RPS3: variants seen among roughly 807,000 people sequenced by gnomAD.
RPS3 encodes small ribosomal subunit protein uS3.
RPS3 carries 2 observed loss-of-function variants against 25.8 expected under a neutral mutation model. The observed-to-expected ratio is 0.08, with a 90% CI of 0.03 to 0.24. The LOEUF (loss-of-function observed/expected upper bound fraction) is 0.24, where lower values mean the gene tolerates loss of function less well. Ranked by LOEUF, RPS3 falls within the 10% of genes least tolerant of loss-of-function variation. The pLI, the probability that RPS3 is intolerant of heterozygous loss-of-function variation, is 1.00. For synonymous variants in RPS3, 114 were observed against 114.2 expected (o/e 1.00, Z 0.01); for missense variants, 107 against 307.1 (o/e 0.35, Z 4.87).
chr11:75,408,120 ATAAACT>A (rs536075663), downstream of RPS3, among the ~76,000 whole-genome samples: 458 of 152,370 alleles, frequency 3.0e-3, 1 homozygote, highest in Non-Finnish European at 5.2e-3. Flanking sequence ...GGAGGAAGAA[ATAAACT>A]TAATTGTGAC....
At chr11:75,408,992 CTT>C (rs1223016206), downstream of RPS3, among the ~76,000 whole-genome samples, 2 of 151,538 alleles carry the variant, frequency 1.3e-5, no homozygotes, top group African/African-American at 2.4e-5. Flanking sequence ...CCTTGATTTT[CTT>C]TTTTGAGACA....
chr11:75,400,629 C>T, intron 1 of RPS3, 65 bp from the exon 2 acceptor site: 2 of 1,592,664 alleles, frequency 1.3e-6, no homozygotes, highest in South Asian at 2.2e-5. Context: ...TAAGACTAGA[C>T]TGGCTCAGGC....
intron 6 of RPS3, among the ~76,000 whole-genome samples, chr11:75,413,223 A>ATG (rs1383558542): frequency 1.2e-4 from 17 of 147,682 alleles, no homozygotes; most frequent in Middle Eastern, 3.4e-3. Flanking sequence ...TCTTGTATAT[A>ATG]TGTGTGTGTG....
At chr11:75,418,050 G>A (rs1400516209) in intron 6 of RPS3, among the ~76,000 whole-genome samples, 2 of 152,236 alleles carry the variant, frequency 1.3e-5, no homozygotes, top group Non-Finnish European at 2.9e-5. Flanking sequence ...CACCCCTCCA[G>A]GACCACCAGC....
In RPS3 at chr11:75,406,608, C is replaced by T. The variant is rs1018176555; in HGVS notation, c.*998C>T. 4.6e-5 allele frequency: 7 copies of T among 152,164 alleles called. No homozygotes were observed. The highest frequency in any genetic ancestry group is 1.4e-4 in the African/African-American group (6 of 41,414). 9.4% of individuals were successfully genotyped at this position (152,164 alleles called of 1,614,324 possible). A position where few individuals can be genotyped will look rare whatever the true frequency, so the allele number is the denominator to read the frequency against. ...GGTAATTATGTAGGGCGTACACTGA[C>T]AAGTATCTGACCCCCCCTTCCTTTT... On this transcript the variant is annotated 3_prime_UTR_variant, in exon 7 of 7. Transcript: ENST00000531188.
At position 75,402,453 on chromosome 11, in the gene RPS3, G is replaced by A; in HGVS notation, c.350+7G>A. The A allele has an allele frequency of 6.2e-7, 1 of 1,602,068 alleles. No individual in the cohort carries two copies. Among genetic ancestry groups the A allele is most frequent in the South Asian group, 1.1e-5 (1 of 90,730 alleles). ...GAGGGCTTGCTGTGCGGAGGTAAGTGTCCTGAGACCTAATGGTCATGACCT... is the reference window on the plus strand; with the variant it reads ...GAGGGCTTGCTGTGCGGAGGTAAGTATCCTGAGACCTAATGGTCATGACCT... On this transcript the variant is annotated splice_region_variant and intron_variant, in intron 4 of 6. Transcript: ENST00000531188.
chr11:75,408,824 C>T (rs1448160107), downstream of RPS3, among the ~76,000 whole-genome samples: 1 of 152,236 alleles, frequency 6.6e-6, no homozygotes, highest in Non-Finnish European at 1.5e-5. Context: ...GCGTGAGCCA[C>T]TGTACCCAGC....
chr11:75,401,812 A>G (rs769191676), intron 3 of RPS3, 79 bp downstream of exon 3: 5 of 837,388 alleles, frequency 6.0e-6, no homozygotes, highest in Non-Finnish European at 1.0e-5. Context: ...GGAGACTTTA[A>G]TTGTTTGTTC....
chr11:75,404,676 G>T lies in RPS3; in HGVS notation c.543G>T (p.Val181=), dbSNP rs368681048. The change falls in exon 6 of 7, where the codon GTG becomes GTT. Residue 181 remains valine (V), a synonymous_variant. Coordinates refer to ENST00000531188, the MANE Select transcript of RPS3 (RefSeq NM_001005.5). The surrounding 1 kb of genome is among the most constrained non-coding windows in gnomAD (Gnocchi z 4.6). ...AACAACTGTGGTGTCCTCTAGGTGTGCTGGGCATCAAGGTGAAGATCATGC... is the reference window on the plus strand; with the variant it reads ...AACAACTGTGGTGTCCTCTAGGTGTTCTGGGCATCAAGGTGAAGATCATGC... ...AVRHVLLRQG[V]LGIKVKIMLP... The T allele has an allele frequency of 1.9e-4, 302 of 1,610,530 alleles. 1 individual carries two copies. Among genetic ancestry groups the T allele is most frequent in the Middle Eastern group, 6.7e-4 (4 of 5,940 alleles).
At chr11:75,409,263 G>T (rs1265519123), downstream of RPS3, among the ~76,000 whole-genome samples, 1 of 144,846 alleles carries the variant, frequency 6.9e-6, no homozygotes, top group Non-Finnish European at 1.5e-5. Context: ...TAGGACAATA[G>T]TGGAGGGAAG....
At chr11:75,399,757 C>T (rs1306383000) in intron 1 of RPS3, 180 bp downstream of exon 1, 1 of 598,762 alleles carries the variant, frequency 1.7e-6, no homozygotes, top group Middle Eastern at 4.5e-4. Context: ...CAGGAGGGCG[C>T]TGTGTGGCCG....
intron 2 of RPS3, among the ~76,000 whole-genome samples, chr11:75,401,183 G>A (rs1365331967): frequency 6.6e-6 from 1 of 152,272 alleles, no homozygotes; most frequent in South Asian, 2.1e-4. Context: ...CGCCCGGCAG[G>A]TTTATCCTTT....
At chr11:75,401,081 A>G (rs999521852) in intron 2 of RPS3, among the ~76,000 whole-genome samples, 4 of 151,970 alleles carry the variant, frequency 2.6e-5, no homozygotes, top group East Asian at 1.9e-4. Flanking sequence ...TTGGGGTTTC[A>G]CCGTGTTAGC....
At position 75,406,787 on chromosome 11, in the gene RPS3, C is replaced by G. The variant is rs1948293793; in HGVS notation, c.*1177C>G. 1 of 152,138 alleles carries G rather than the reference C, an allele frequency of 6.6e-6. No individual in the cohort carries two copies. The highest frequency in any genetic ancestry group is 2.4e-5 in the African/African-American group (1 of 41,432). The allele number at this position is 152,138 out of a possible 1,614,324, so 9.4% of individuals were successfully genotyped here. A position where few individuals can be genotyped will look rare whatever the true frequency, so the allele number is the denominator to read the frequency against. On this transcript the variant is annotated 3_prime_UTR_variant, in exon 7 of 7. Transcript: ENST00000531188. ...GTTGTGTGTGTATTGAACATGTAGA[C>G]TTATTTTTCTTATTTTCAAAATACT...
chr11:75,420,029 G>C (rs1301340997), intron 6 of RPS3, among the ~76,000 whole-genome samples: 1 of 152,158 alleles, frequency 6.6e-6, no homozygotes, highest in African/African-American at 2.4e-5. Flanking sequence ...GAGTTCAGTG[G>C]CTTCTGAGGG....
intron 1 of RPS3, chr11:75,400,016 TGCTC>T: frequency 3.6e-6 from 1 of 277,320 alleles, no homozygotes; most frequent in South Asian, 4.3e-5. Context: ...GACGGTTGCT[TGCTC>T]CGTCTGGGGA....
At chr11:75,414,174 A>G (rs922035862) in intron 6 of RPS3, among the ~76,000 whole-genome samples, 3 of 152,154 alleles carry the variant, frequency 2.0e-5, no homozygotes, top group Non-Finnish European at 2.9e-5. Flanking sequence ...GCCATACTCA[A>G]TGCCCCTCCC....
chr11:75,405,425 T>C (rs1187045929), intron 6 of RPS3, 189 bp from the exon 7 acceptor site: 1 of 323,720 alleles, frequency 3.1e-6, no homozygotes, highest in Admixed American at 4.4e-5. Flanking sequence ...TTGGGGTTTT[T>C]TTGTTTATAG....
intron 6 of RPS3, among the ~76,000 whole-genome samples, chr11:75,412,961 T>C (rs938494572): frequency 6.6e-6 from 1 of 152,040 alleles, no homozygotes; most frequent in African/African-American, 2.4e-5. Flanking sequence ...TTCATAGAGA[T>C]GGGGTTTCAC....
Sources: allele counts gnomAD v4.1 joint callset (sites outside exome capture counted in the v4.1 genomes callset), GRCh38; gene constraint gnomAD v4.1.1; non-coding constraint Gnocchi (gnomAD v3.1); transcripts MANE v1.5; gene names NCBI Gene and HGNC (gene_info 2026-07-23, HGNC 2026-07-21).